WWOX: variants seen among roughly 807,000 people sequenced by gnomAD.
WWOX encodes WW domain-containing oxidoreductase.
In WWOX, 69 loss-of-function variants were observed where a neutral mutation model predicts 46.2. That is an observed-to-expected ratio of 1.49 (90% CI 1.23 to 1.82). WWOX has a LOEUF of 1.82. Among genes scored for constraint, WWOX ranks in the 40% most tolerant of loss-of-function variants. The pLI is 0.00. For missense variants in WWOX, 919 were observed against 542.6 expected (o/e 1.69, Z -6.89); for synonymous variants, 359 against 202.6 (o/e 1.77, Z -6.56).
intron 8 of WWOX, among the ~76,000 whole-genome samples, chr16:79,001,945 A>C (rs1269016594): frequency 6.6e-6 from 1 of 152,154 alleles, no homozygotes; most frequent in Non-Finnish European, 1.5e-5. Flanking sequence ...GGAAGAAAAA[A>C]AGATGTAAGC....
chr16:79,106,494 C>T (rs1379017582), intron 8 of WWOX: 1 of 150,656 alleles, frequency 6.6e-6, no homozygotes, highest in Non-Finnish European at 1.5e-5. Context: ...AATACGCAAA[C>T]TTTGGAGTAT....
chr16:79,039,787 C>T (rs921909577), intron 8 of WWOX, among the ~76,000 whole-genome samples: 18 of 152,156 alleles, frequency 1.2e-4, no homozygotes, highest in Admixed American at 1.1e-3. Flanking sequence ...CGAAATCTCC[C>T]TTCTCTGAAC....
rs74523584 is a variant in WWOX, at chr16:78,630,614, C to T, written c.1056+197862C>T. Among the ~76,000 whole-genome samples the T allele has an allele frequency of 7.2e-3, 1,099 of 152,296 alleles. 15 individuals are homozygous for T. The highest frequency in any genetic ancestry group is 0.025 in the African/African-American group (1,035 of 41,566). ...CCCACTGGAAGAGGACATTTGGAAT[C>T]TTGTACCTGGTTTTCTCCAGACTTC... On this transcript the variant is annotated intron_variant, in intron 8 of 8. Coordinates refer to ENST00000566780, the MANE Select transcript of WWOX (RefSeq NM_016373.4).
chr16:78,835,981 T>G (rs2051970984), intron 8 of WWOX, among the ~76,000 whole-genome samples: 1 of 152,208 alleles, frequency 6.6e-6, no homozygotes, highest in African/African-American at 2.4e-5. Flanking sequence ...TGCCACTTCT[T>G]CAAAGCCTCG....
chr16:78,217,284 T>A (rs2036753276), intron 5 of WWOX, among the ~76,000 whole-genome samples: 1 of 152,182 alleles, frequency 6.6e-6, no homozygotes, highest in African/African-American at 2.4e-5. Flanking sequence ...GAGTTATCAG[T>A]TCCTAGCACC....
At chr16:79,097,724 T>G (rs1296884076) in intron 8 of WWOX, among the ~76,000 whole-genome samples, 1 of 152,140 alleles carries the variant, frequency 6.6e-6, no homozygotes, top group African/African-American at 2.4e-5. Flanking sequence ...AAGGATACTT[T>G]CTGTCTTTTA....
chr16:78,736,224 A>G (rs370067501), intron 8 of WWOX, among the ~76,000 whole-genome samples: 1 of 152,070 alleles, frequency 6.6e-6, no homozygotes, highest in Non-Finnish European at 1.5e-5. Flanking sequence ...TCACACCTCA[A>G]ACTTGACCCG....
chr16:79,114,365 C>G (rs1315436704), intron 8 of WWOX, among the ~76,000 whole-genome samples: 5 of 111,126 alleles, frequency 4.5e-5, no homozygotes, highest in South Asian at 3.2e-4. Flanking sequence ...TTTGGAGAGA[C>G]ACACGTGTGT....
At chr16:78,527,503 A>G (rs1000477808) in intron 8 of WWOX, among the ~76,000 whole-genome samples, 1 of 152,142 alleles carries the variant, frequency 6.6e-6, no homozygotes, top group South Asian at 2.1e-4. Context: ...CATGTTGGCC[A>G]GGCTGGTCTT....
intron 8 of WWOX, among the ~76,000 whole-genome samples, chr16:79,127,098 TA>T (rs2049774650): frequency 6.6e-6 from 1 of 152,134 alleles, no homozygotes. Context: ...GTAATACTTT[TA>T]TATGGTTCAA....
intron 5 of WWOX, among the ~76,000 whole-genome samples, chr16:78,321,516 C>G (rs571050230): frequency 2.0e-5 from 3 of 151,722 alleles, no homozygotes; most frequent in African/African-American, 7.2e-5. Context: ...GATTCGTAGT[C>G]TGCCACGAGA....
chr16:78,402,278 G>C lies in WWOX; in HGVS notation c.605+15330G>C, dbSNP rs58772988. Among the ~76,000 whole-genome samples, 837 of 152,234 alleles carry C rather than the reference G, an allele frequency of 5.5e-3. 10 individuals carry two copies. Among genetic ancestry groups the C allele is most frequent in the African/African-American group, 0.019 (785 of 41,532 alleles). ...GGCTTTCACTTAGCATAATGTTCTA[G>C]AGGTTCATTTATGTTATTGCAAAAA... On this transcript the variant is annotated intron_variant, in intron 6 of 8. Transcript: ENST00000566780.
At chr16:78,905,185 C>G (rs1167198855) in intron 8 of WWOX, among the ~76,000 whole-genome samples, 1 of 152,110 alleles carries the variant, frequency 6.6e-6, no homozygotes, top group Non-Finnish European at 1.5e-5. Context: ...AGCTGCTGGC[C>G]TGAGCATGAG....
intron 5 of WWOX, among the ~76,000 whole-genome samples, chr16:78,213,919 C>A (rs2036637062): frequency 6.6e-6 from 1 of 152,108 alleles, no homozygotes; most frequent in African/African-American, 2.4e-5. Context: ...CCAGACCTGT[C>A]CGGGGTGTGA....
At chr16:78,173,309 G>GAT (rs2035222861) in intron 5 of WWOX, among the ~76,000 whole-genome samples, 1 of 152,094 alleles carries the variant, frequency 6.6e-6, no homozygotes, top group Non-Finnish European at 1.5e-5. Flanking sequence ...CTTTTTTTGA[G>GAT]ATAGGGTATT....
At chr16:79,123,817 C>G (rs888347325) in intron 8 of WWOX, among the ~76,000 whole-genome samples, 7 of 152,228 alleles carry the variant, frequency 4.6e-5, no homozygotes, top group Non-Finnish European at 7.3e-5. Context: ...TTCATATCCC[C>G]GTGCCATCCG....
At chr16:78,949,732 C>A (rs988825351) in intron 8 of WWOX, among the ~76,000 whole-genome samples, 1 of 152,158 alleles carries the variant, frequency 6.6e-6, no homozygotes, top group African/African-American at 2.4e-5. Flanking sequence ...ATCTACCTTG[C>A]GGGGCAAACA....
At chr16:78,398,698 T>C (rs867532494) in intron 6 of WWOX, among the ~76,000 whole-genome samples, 4 of 152,244 alleles carry the variant, frequency 2.6e-5, no homozygotes, top group African/African-American at 9.6e-5. Flanking sequence ...ATATCTGTGC[T>C]ACAACTTATT....
At chr16:79,208,026 C>G (rs1299885146) in intron 8 of WWOX, among the ~76,000 whole-genome samples, 1 of 152,150 alleles carries the variant, frequency 6.6e-6, no homozygotes, top group African/African-American at 2.4e-5. Context: ...CTTTCTAAAT[C>G]CCACCTTTCT....
Sources: allele counts gnomAD v4.1 joint callset (sites outside exome capture counted in the v4.1 genomes callset), GRCh38; gene constraint gnomAD v4.1.1; transcripts MANE v1.5; gene names NCBI Gene and HGNC (gene_info 2026-07-23, HGNC 2026-07-21).